The following ADK variants were observed in gnomAD, a reference collection of about 807,000 sequenced individuals.
ADK encodes N6,N6-dimethyladenosine kinase.
ADK carries 24 observed loss-of-function variants against 44.7 expected under a neutral mutation model. The ratio of observed to expected loss-of-function variants is 0.54; its 90% CI spans 0.39 to 0.76. The LOEUF is 0.76. Among genes scored for constraint, ADK ranks in the 30% least tolerant of loss-of-function variants. The pLI is 0.00. For synonymous variants in ADK, 128 were observed against 142.6 expected (o/e 0.90, Z 0.73); for missense variants, 321 against 425.1 (o/e 0.76, Z 2.15).
intron 9 of ADK, among the ~76,000 whole-genome samples, chr10:74,612,464 C>G (rs1852593447): frequency 1.3e-5 from 2 of 152,128 alleles, no homozygotes; most frequent in African/African-American, 4.8e-5. Flanking sequence ...CCCTTGCCTA[C>G]TTTTTAATGG....
intron 1 of ADK, among the ~76,000 whole-genome samples, chr10:74,177,148 C>A (rs1189332003): frequency 2.0e-5 from 3 of 152,086 alleles, no homozygotes; most frequent in African/African-American, 7.2e-5. Context: ...TGCAAGCGTT[C>A]TTGGGTGTGT....
Position 74,610,853 on chromosome 10 carries a change from A to AAT in ADK, c.877+10369_877+10370dup, listed in dbSNP as rs1292742628. 4.6e-5 allele frequency among the ~76,000 whole-genome samples: 7 copies of AAT among 152,186 alleles called. No individual in the cohort carries two copies. The South Asian group carries it at 1.2e-3, about 27-fold the overall frequency. On this transcript the variant is annotated intron_variant, in intron 9 of 10. Coordinates refer to ENST00000539909, the MANE Select transcript of ADK (RefSeq NM_006721.4). ...TATTAAGCATGGTAGTAAAAAAGTA[A>AAT]ATATATATATGTATGTAAATACATA... is the stretch of plus-strand genomic sequence containing the variant.
chr10:74,298,311 A>G (rs1462638147), intron 3 of ADK, among the ~76,000 whole-genome samples: 1 of 152,200 alleles, frequency 6.6e-6, no homozygotes, highest in Non-Finnish European at 1.5e-5. Context: ...AAGATTTTGA[A>G]TGACCCATTT....
At chr10:74,508,993 T>C (rs1418993959) in intron 6 of ADK, among the ~76,000 whole-genome samples, 2 of 152,184 alleles carry the variant, frequency 1.3e-5, no homozygotes, top group African/African-American at 4.8e-5. Flanking sequence ...ATTAATATGT[T>C]ACCAAGACCA....
intron 7 of ADK, among the ~76,000 whole-genome samples, chr10:74,570,298 C>A (rs1446061110): frequency 2.0e-5 from 3 of 152,026 alleles, no homozygotes; most frequent in Non-Finnish European, 2.9e-5. Flanking sequence ...TAGTTTTTTC[C>A]AATTCTGTGA....
At chr10:74,214,949 C>A (rs943770151) in intron 2 of ADK, among the ~76,000 whole-genome samples, 1 of 152,104 alleles carries the variant, frequency 6.6e-6, no homozygotes, top group African/African-American at 2.4e-5. Context: ...GTTCAGAAAA[C>A]AAGTTAATGT....
At chr10:74,492,071 G>A (rs1005385893) in intron 6 of ADK, among the ~76,000 whole-genome samples, 6 of 152,042 alleles carry the variant, frequency 3.9e-5, no homozygotes, top group Non-Finnish European at 7.4e-5. Context: ...TTCCTGAGTC[G>A]TTTGAGAGTA....
chr10:74,609,731 A>G (rs1310174070), intron 9 of ADK, among the ~76,000 whole-genome samples: 2 of 152,124 alleles, frequency 1.3e-5, no homozygotes, highest in Non-Finnish European at 2.9e-5. Flanking sequence ...TCACACTGTT[A>G]AGTTTGCAGT....
intron 1 of ADK, among the ~76,000 whole-genome samples, chr10:74,183,392 A>G (rs1842632747): frequency 6.6e-6 from 1 of 152,218 alleles, no homozygotes; most frequent in South Asian, 2.1e-4. Context: ...GGGCAATATG[A>G]TAAAACCCCG....
At chr10:74,221,735 A>T (rs1056358212) in intron 2 of ADK, among the ~76,000 whole-genome samples, 2 of 146,092 alleles carry the variant, frequency 1.4e-5, no homozygotes, top group Non-Finnish European at 3.0e-5. Context: ...CAACTATCTG[A>T]TCTTTGACAA....
chr10:74,229,156 T>C lies in ADK; in HGVS notation c.194+4565T>C, dbSNP rs184280171. Among the ~76,000 whole-genome samples the C allele has an allele frequency of 2.2e-3, 331 of 152,290 alleles. 2 individuals are homozygous for C. The highest frequency in any genetic ancestry group is 7.5e-3 in the African/African-American group (313 of 41,554). ...ATAAAAGTTAATTATATTGTGATAT[T>C]TAAATGCTTGCCAATTTACGATTAT... On this transcript the variant is annotated intron_variant, in intron 3 of 10. Transcript: ENST00000539909.
chr10:74,323,610 G>A (rs1426100600), intron 4 of ADK, among the ~76,000 whole-genome samples: 3 of 147,672 alleles, frequency 2.0e-5, no homozygotes, highest in African/African-American at 7.6e-5. Context: ...TCGCACTGTC[G>A]TCCAGGCTGG....
chr10:74,518,392 T>G (rs1383185473), intron 6 of ADK, among the ~76,000 whole-genome samples: 1 of 152,226 alleles, frequency 6.6e-6, no homozygotes, highest in East Asian at 1.9e-4. Context: ...TAAATAGTGG[T>G]TTATGCTTTC....
chr10:74,191,278 C>T (rs1842943486), intron 1 of ADK, among the ~76,000 whole-genome samples: 2 of 151,872 alleles, frequency 1.3e-5, no homozygotes, highest in Admixed American at 1.3e-4. Flanking sequence ...TATGCCCGGC[C>T]CAAGTCTTGA....
intron 7 of ADK, among the ~76,000 whole-genome samples, chr10:74,575,323 A>G (rs1366641980): frequency 6.6e-6 from 1 of 152,240 alleles, no homozygotes; most frequent in Non-Finnish European, 1.5e-5. Flanking sequence ...AGCTATCTAT[A>G]CAAATAACTG....
chr10:74,369,419 T>A (rs895700348), intron 4 of ADK, among the ~76,000 whole-genome samples: 8 of 152,200 alleles, frequency 5.3e-5, no homozygotes, highest in Non-Finnish European at 1.5e-5. Flanking sequence ...ATTGCATTCA[T>A]GAAGTCTAAG....
intron 7 of ADK, among the ~76,000 whole-genome samples, chr10:74,569,147 G>C (rs1399285720): frequency 6.6e-6 from 1 of 152,126 alleles, no homozygotes; most frequent in Non-Finnish European, 1.5e-5. Flanking sequence ...TGGTGTACAT[G>C]TGCCACGTTT....
At chr10:74,381,656 T>A (rs753229828) in intron 4 of ADK, among the ~76,000 whole-genome samples, 2 of 152,224 alleles carry the variant, frequency 1.3e-5, no homozygotes, top group Non-Finnish European at 2.9e-5. Context: ...GCCCTAATGC[T>A]AACTGTGCAT....
chr10:74,564,126 G>A (rs2133826615), intron 7 of ADK, among the ~76,000 whole-genome samples: 1 of 141,768 alleles, frequency 7.1e-6, no homozygotes, highest in South Asian at 2.2e-4. Flanking sequence ...TCCCACCTAT[G>A]AGTGAGAATA....
Sources: allele counts gnomAD v4.1 joint callset (sites outside exome capture counted in the v4.1 genomes callset), GRCh38; gene constraint gnomAD v4.1.1; transcripts MANE v1.5; gene names NCBI Gene and HGNC (gene_info 2026-07-23, HGNC 2026-07-21).